TENM1: variants seen among roughly 807,000 people sequenced by gnomAD.
TENM1 encodes teneurin-1.
A neutral mutation model predicts 174.8 loss-of-function variants in TENM1; 35 were observed. That is an observed-to-expected ratio of 0.20 (90% CI 0.15 to 0.27). The LOEUF (loss-of-function observed/expected upper bound fraction) is 0.27, where lower values mean the gene tolerates loss of function less well. TENM1 is among the 10% of genes least tolerant of loss of function. The pLI, the probability that TENM1 is intolerant of heterozygous loss-of-function variation, is 1.00. For missense variants in TENM1, 1,633 were observed against 2,130.1 expected (o/e 0.77, Z 4.59); for synonymous variants, 781 against 798.7 (o/e 0.98, Z 0.37).
the TENM1 span, among the ~76,000 whole-genome samples, chrX:124,983,874 C>T: frequency 3.6e-5 from 4 of 110,659 alleles, no homozygotes; most frequent in South Asian, 3.9e-4. Flanking sequence ...TGCCTGCCTC[C>T]GCCTCCCAAA....
intron 11 of TENM1, among the ~76,000 whole-genome samples, chrX:124,573,315 CAT>C (rs1367371732): frequency 3.6e-4 from 40 of 111,415 alleles, no homozygotes; most frequent in Non-Finnish European, 5.3e-4. Flanking sequence ...AAAGCCTAAA[CAT>C]GTGTATTGTA....
Position 124,561,827 on chromosome X carries a change from C to T in TENM1, c.2288-10G>A. The T allele has an allele frequency of 8.3e-7, 1 of 1,208,291 alleles. No homozygotes were observed. The highest frequency in any genetic ancestry group is 1.1e-6 in the Non-Finnish European group (1 of 893,280). ...AGCCCTGGGCAGCCATCTGAAAAGA[C>T]ATCAGAGAGTAACCATCACAGAGAC... On this transcript the variant is annotated splice_polypyrimidine_tract_variant and intron_variant, in intron 13 of 31. Coordinates refer to ENST00000422452, the Ensembl canonical transcript of TENM1.
exon 32 of TENM1, chrX:124,376,511 C>T (rs2147545473): frequency 8.9e-6 from 1 of 111,954 alleles, no homozygotes; most frequent in South Asian, 3.7e-4. Flanking sequence ...AAACACATTT[C>T]CTTTGACAAA....
intron 4 of TENM1, among the ~76,000 whole-genome samples, chrX:124,716,602 C>G (rs780885195): frequency 6.2e-5 from 7 of 112,286 alleles, no homozygotes; most frequent in African/African-American, 2.3e-4. Flanking sequence ...ATTGCATTGC[C>G]TTTCAAACAG....
At chrX:124,939,801 C>T (rs372263776) in intron 1 of TENM1, among the ~76,000 whole-genome samples, 22 of 112,225 alleles carry the variant, frequency 2.0e-4, no homozygotes, top group African/African-American at 7.1e-4. Flanking sequence ...AAATAGTTGG[C>T]TTATTCTTGT....
At chrX:125,131,656 AG>A in the TENM1 span, among the ~76,000 whole-genome samples, 9 of 111,849 alleles carry the variant, frequency 8.0e-5, no homozygotes, top group Non-Finnish European at 1.7e-4. Flanking sequence ...ACAAATAAAA[AG>A]GGTCCTATTT....
At chrX:125,159,733 T>A in the TENM1 span, among the ~76,000 whole-genome samples, 7 of 111,926 alleles carry the variant, frequency 6.3e-5, no homozygotes, top group Admixed American at 6.6e-4. Context: ...CTGTTATTGG[T>A]CTATAATAGT....
At chrX:125,075,177 C>T in the TENM1 span, among the ~76,000 whole-genome samples, 15 of 111,463 alleles carry the variant, frequency 1.3e-4, no homozygotes, top group South Asian at 4.9e-3. Flanking sequence ...AATCTATTTT[C>T]TATCTCTATA....
At chrX:124,469,718 TA>T (rs1240163966) in intron 22 of TENM1, among the ~76,000 whole-genome samples, 1 of 110,867 alleles carries the variant, frequency 9.0e-6, no homozygotes, top group African/African-American at 3.3e-5. Flanking sequence ...TCTATAGGGT[TA>T]AAAAAAGAGA....
chrX:124,666,215 T>C (rs1452040662), intron 6 of TENM1, among the ~76,000 whole-genome samples: 1 of 111,683 alleles, frequency 9.0e-6, no homozygotes, highest in Non-Finnish European at 1.9e-5. Context: ...TGCAAAATTG[T>C]AATGGAGATA....
the TENM1 span, among the ~76,000 whole-genome samples, chrX:125,061,968 C>T: frequency 1.8e-5 from 2 of 111,969 alleles, no homozygotes; most frequent in African/African-American, 6.5e-5. Flanking sequence ...CCTGTGTTCT[C>T]GAGCAATAGA....
the TENM1 span, among the ~76,000 whole-genome samples, chrX:125,104,640 A>T: frequency 9.0e-6 from 1 of 110,961 alleles, no homozygotes; most frequent in African/African-American, 3.3e-5. Context: ...CTTTTTTTTT[A>T]ACATAAAACT....
chrX:124,628,273 T>C (rs1427179927), intron 11 of TENM1, among the ~76,000 whole-genome samples: 1 of 111,216 alleles, frequency 9.0e-6, no homozygotes, highest in Non-Finnish European at 1.9e-5. Context: ...ATCAGTTTAA[T>C]TTGGAATATA....
rs1206231777 is a variant in TENM1, at chrX:124,713,520, G to A, written c.777-8269C>T. On this transcript the variant is annotated intron_variant, in intron 4 of 31. Transcript: ENST00000422452. ...CACCCTCAGGTGATCTGCCTGCTTC[G>A]GCCTCCCAAAGTGCTGGGATTACAG... Among the ~76,000 whole-genome samples the A allele has an allele frequency of 2.7e-5, 3 of 111,677 alleles. No individual in the cohort carries two copies. In the Admixed American group the frequency reaches 2.8e-4, roughly 11 times the overall value.
At chrX:124,580,074 C>T (rs1323409377) in intron 11 of TENM1, among the ~76,000 whole-genome samples, 1 of 111,331 alleles carries the variant, frequency 9.0e-6, no homozygotes, top group Non-Finnish European at 1.9e-5. Context: ...AAGCTGCATG[C>T]TAGGTGCTAA....
chrX:124,411,463 C>T (rs894215715), intron 25 of TENM1, among the ~76,000 whole-genome samples: 28 of 111,434 alleles, frequency 2.5e-4, no homozygotes, highest in African/African-American at 8.2e-4. Flanking sequence ...TATATTGCCT[C>T]ATTTCCTTTC....
At chrX:124,917,440 G>A (rs1439835626) in intron 1 of TENM1, among the ~76,000 whole-genome samples, 2 of 111,632 alleles carry the variant, frequency 1.8e-5, no homozygotes, top group South Asian at 3.8e-4. Flanking sequence ...GTATCTTCAG[G>A]ATCAGGTCTC....
At chrX:124,737,025 G>C (rs762428854) in exon 4 of TENM1, 24 of 1,211,698 alleles carry the variant, frequency 2.0e-5, no homozygotes, top group Non-Finnish European at 2.7e-5. Flanking sequence ...CCTGCGTGCT[G>C]GTTGGGGGAG....
At chrX:124,524,550 A>G (rs1304076945) in intron 16 of TENM1, among the ~76,000 whole-genome samples, 1 of 111,543 alleles carries the variant, frequency 9.0e-6, no homozygotes, top group Non-Finnish European at 1.9e-5. Flanking sequence ...TTGGCCTCCT[A>G]GTCTACTTGC....
Sources: allele counts gnomAD v4.1 joint callset (sites outside exome capture counted in the v4.1 genomes callset), GRCh38; gene constraint gnomAD v4.1.1; transcripts MANE v1.5; gene names NCBI Gene and HGNC (gene_info 2026-07-23, HGNC 2026-07-21).